ZNF776: variants seen among roughly 807,000 people sequenced by gnomAD.
ZNF776 encodes the protein zinc finger protein 776.
Under a neutral mutation model 7.0 loss-of-function variants are expected in ZNF776, and 4 were observed. The observed-to-expected ratio is 0.57, with a 90% confidence interval of 0.28 to 1.31. The LOEUF (loss-of-function observed/expected upper bound fraction) is 1.31. Ranked by LOEUF, ZNF776 falls within the 50% of genes most tolerant of loss-of-function variation. ZNF776 has a pLI of 0.10. For missense variants in ZNF776, 555 were observed against 625.9 expected, an observed-to-expected ratio of 0.89 and a Z score of 1.21; for synonymous variants, 212 against 213.7, an observed-to-expected ratio of 0.99 and a Z score of 0.07.
Position 57,747,237 on chromosome 19 carries a change from C to T in ZNF776, c.33+146C>T, listed in dbSNP as rs543731354. 4.8e-6 allele frequency: 4 copies of T among 825,958 alleles called. No individual in the cohort carries two copies. The South Asian group carries it at 5.5e-5, about 11-fold the overall frequency. The allele number at this position is 825,958 out of a possible 1,614,324, so 51.2% of individuals were successfully genotyped here. On this transcript the variant is annotated intron_variant, in intron 1 of 2. Coordinates refer to ENST00000317178, the MANE Select transcript of ZNF776 (RefSeq NM_173632.4). Reference sequence around the variant, plus strand: ...GCTCTCTATGGGCCCCCGTTTTTGACACCCGCGGGATGCGCTCAGGAGAGC... The same window carrying T: ...GCTCTCTATGGGCCCCCGTTTTTGATACCCGCGGGATGCGCTCAGGAGAGC...
chr19:57,749,627 C>T (rs1454713063), intron 1 of ZNF776, among the ~76,000 whole-genome samples: 1 of 152,162 alleles, frequency 6.6e-6, no homozygotes, highest in Non-Finnish European at 1.5e-5. Flanking sequence ...AACCAATTCC[C>T]TTCCCACTAG....
rs553888686 is a variant in ZNF776, at chr19:57,751,552, G to A, written c.160+641G>A. On this transcript the variant is annotated intron_variant, in intron 2 of 2. Transcript: ENST00000317178. ...AATTTTTATTTTTATTTTTAATAGA[G>A]ATGAGGTCTGGCTGTATTGCCCAGG... Among the ~76,000 whole-genome samples, 8 of 152,090 alleles carry A rather than the reference G, an allele frequency of 5.3e-5. 2 individuals carry two copies. In the South Asian group the frequency reaches 1.7e-3, roughly 32 times the overall value.
rs1194340275 is a variant in ZNF776, at chr19:57,751,686, T to G, written c.160+775T>G. 2.6e-5 allele frequency among the ~76,000 whole-genome samples: 4 copies of G among 151,278 alleles called. No individual in the cohort carries two copies. The East Asian group carries it at 7.8e-4, about 29-fold the overall frequency. ...CTGAGTATTTTTTGCTTTTTTGTTT[T>G]TTTTTTTTTCAGACAGGGTTTCACT... On this transcript the variant is annotated intron_variant, in intron 2 of 2. Coordinates refer to ENST00000317178, the MANE Select transcript of ZNF776 (RefSeq NM_173632.4).
Position 57,756,861 on chromosome 19 carries a change from TA to T in ZNF776, c.*2175del. The T allele has an allele frequency of 2.2e-6, 1 of 456,146 alleles. No homozygotes were observed. 28.3% of individuals were successfully genotyped at this position (456,146 alleles called of 1,614,324 possible). A position where few individuals can be genotyped will look rare whatever the true frequency, so the allele number is the denominator to read the frequency against. On this transcript the variant is annotated 3_prime_UTR_variant, in exon 3 of 3. Coordinates refer to ENST00000317178, the MANE Select transcript of ZNF776 (RefSeq NM_173632.4). Reference sequence around the variant, plus strand: ...AAAGAAATCATAATTCTTTAATTTTTATTTTTTTAGGGAAATGATGTCACTC... The same window carrying T: ...AAAGAAATCATAATTCTTTAATTTTTTTTTTTTAGGGAAATGATGTCACTC...
chr19:57,750,138 T>C (rs1986556613), intron 1 of ZNF776, among the ~76,000 whole-genome samples: 2 of 151,888 alleles, frequency 1.3e-5, no homozygotes, highest in African/African-American at 2.4e-5. Context: ...ATGATGTGTA[T>C]TTTGGCCTAG....
At chr19:57,748,105 T>G (rs1180910606) in intron 1 of ZNF776, among the ~76,000 whole-genome samples, 1 of 152,034 alleles carries the variant, frequency 6.6e-6, no homozygotes, top group Non-Finnish European at 1.5e-5. Flanking sequence ...GAACAGACTG[T>G]GGGGTTGAGA....
chr19:57,751,096 G>A (rs1986590505), intron 2 of ZNF776, among the ~76,000 whole-genome samples, 185 bp downstream of exon 2: 1 of 151,962 alleles, frequency 6.6e-6, no homozygotes, highest in African/African-American at 2.4e-5. Flanking sequence ...CTCTCCTTGA[G>A]CAGCCCCAAC....
intron 2 of ZNF776, 97 bp from the exon 3 acceptor site, chr19:57,753,194 A>G (rs1345189511): frequency 6.8e-6 from 8 of 1,177,504 alleles, no homozygotes; most frequent in Non-Finnish European, 9.7e-6. Context: ...GGCCCAAGTA[A>G]ATATAAGTAC....
At position 57,755,352 on chromosome 19, in the gene ZNF776, A is replaced by C. The variant is rs1986747212; in HGVS notation, c.*665A>C. 6.6e-6 allele frequency: 1 copy of C among 152,404 alleles called. No homozygotes were observed. The highest frequency in any genetic ancestry group is 2.1e-4 in the South Asian group (1 of 4,840). 9.4% of individuals were successfully genotyped at this position (152,404 alleles called of 1,614,324 possible). ...AGAGAAAGCCCTTCTCAGTGAAGTA[A>C]ATTTGGAAAATTGATTAGTCAAACC... On this transcript the variant is annotated 3_prime_UTR_variant, in exon 3 of 3. Coordinates refer to ENST00000317178, the MANE Select transcript of ZNF776 (RefSeq NM_173632.4).
intron 2 of ZNF776, among the ~76,000 whole-genome samples, chr19:57,752,970 A>C (rs1036444052): frequency 2.0e-5 from 3 of 152,218 alleles, no homozygotes; most frequent in Non-Finnish European, 4.4e-5. Context: ...GTATTACTCC[A>C]TGGAAATAAT....
At chr19:57,747,614 C>T (rs1234804757) in intron 1 of ZNF776, among the ~76,000 whole-genome samples, 1 of 152,150 alleles carries the variant, frequency 6.6e-6, no homozygotes, top group Non-Finnish European at 1.5e-5. Flanking sequence ...GTTCAGACAA[C>T]CAACTCGCGT....
Position 57,746,912 on chromosome 19 carries a change from A to T in ZNF776, c.-147A>T. ...ACTGAACCCAGAAGGTGGAGACGAG[A>T]CGTTGTCCCGACTGCACAGAGGCTG... On this transcript the variant is annotated 5_prime_UTR_variant, in exon 1 of 3. Coordinates refer to ENST00000317178, the MANE Select transcript of ZNF776 (RefSeq NM_173632.4). The T allele has an allele frequency of 1.4e-6, 1 of 711,866 alleles. No individual in the cohort carries two copies. Among genetic ancestry groups the T allele is most frequent in the Non-Finnish European group, 2.3e-6 (1 of 442,084 alleles). 44.1% of individuals were successfully genotyped at this position (711,866 alleles called of 1,614,324 possible).
chr19:57,748,681 A>G (rs1986513298), intron 1 of ZNF776, among the ~76,000 whole-genome samples: 1 of 152,180 alleles, frequency 6.6e-6, no homozygotes, highest in African/African-American at 2.4e-5. Flanking sequence ...AGAGGTAGGT[A>G]AGTGACCATG....
intron 1 of ZNF776, chr19:57,749,119 C>T (rs1450290312): frequency 6.6e-6 from 1 of 152,110 alleles, no homozygotes; most frequent in African/African-American, 2.4e-5. Flanking sequence ...AGTTGCGTGC[C>T]ACCACGCCCC....
rs1986747288 is a variant in ZNF776 at position 57,755,353 on chromosome 19, A to T, written c.*666A>T. ...GAGAAAGCCCTTCTCAGTGAAGTAA[A>T]TTTGGAAAATTGATTAGTCAAACCT... is the stretch of plus-strand genomic sequence containing the variant. On this transcript the variant is annotated 3_prime_UTR_variant, in exon 3 of 3. Coordinates refer to ENST00000317178, the MANE Select transcript of ZNF776 (RefSeq NM_173632.4). 6.6e-6 allele frequency: 1 copy of T among 152,400 alleles called. No homozygotes were observed. Among genetic ancestry groups the T allele is most frequent in the African/African-American group, 2.4e-5 (1 of 41,452 alleles). 9.4% of individuals were successfully genotyped at this position (152,400 alleles called of 1,614,324 possible). A position where few individuals can be genotyped will look rare whatever the true frequency, so the allele number is the denominator to read the frequency against.
At position 57,756,935 on chromosome 19, in the gene ZNF776, C is replaced by T. The variant is rs1420557340; in HGVS notation, c.*2248C>T. ...TGGCATGGTCATACCTCACTGCGGC[C>T]TCAAACTCCTGGGCTCAAGTGATCC... On this transcript the variant is annotated 3_prime_UTR_variant, in exon 3 of 3. Coordinates refer to ENST00000317178, the MANE Select transcript of ZNF776 (RefSeq NM_173632.4). The T allele has an allele frequency of 2.3e-6, 1 of 439,870 alleles. No individual in the cohort carries two copies. Among genetic ancestry groups the T allele is most frequent in the Non-Finnish European group, 4.6e-6 (1 of 219,492 alleles). The allele number at this position is 439,870 out of a possible 1,614,324, so 27.2% of individuals were successfully genotyped here. A position where few individuals can be genotyped will look rare whatever the true frequency, so the allele number is the denominator to read the frequency against.
chr19:57,751,927 A>G (rs548000206), intron 2 of ZNF776, among the ~76,000 whole-genome samples: 4 of 121,718 alleles, frequency 3.3e-5, no homozygotes, highest in Admixed American at 1.2e-4. Flanking sequence ...GCTGGAGTGC[A>G]GTGGCCCAAT....
chr19:57,750,643 C>A, intron 1 of ZNF776, 142 bp from the exon 2 acceptor site: 1 of 1,098,190 alleles, frequency 9.1e-7, no homozygotes, highest in Non-Finnish European at 1.3e-6. Flanking sequence ...ACACCATGAC[C>A]AGTGAGCCCA....
At chr19:57,752,696 CT>C (rs773390239) in intron 2 of ZNF776, among the ~76,000 whole-genome samples, 4 of 152,228 alleles carry the variant, frequency 2.6e-5, no homozygotes, top group Non-Finnish European at 5.9e-5. Context: ...GTTCTATACC[CT>C]GTCACTTCTC....
Sources: allele counts gnomAD v4.1 joint callset (sites outside exome capture counted in the v4.1 genomes callset), GRCh38; gene constraint gnomAD v4.1.1; transcripts MANE v1.5; gene names NCBI Gene and HGNC (gene_info 2026-07-23, HGNC 2026-07-21).